The following DMD variants were observed in gnomAD, a reference collection of about 807,000 sequenced individuals.
DMD encodes mutant dystrophin.
DMD carries 63 observed loss-of-function variants against 330.1 expected under a neutral mutation model. The observed-to-expected ratio is 0.19, with a 90% CI of 0.16 to 0.24. The LOEUF (loss-of-function observed/expected upper bound fraction) is 0.24, where lower values mean the gene tolerates loss of function less well. Ranked by LOEUF, DMD falls within the 10% of genes least tolerant of loss-of-function variation. The pLI is 1.00. For missense variants in DMD, 3,344 were observed against 2,684.1 expected (o/e 1.25, Z -5.43); for synonymous variants, 1,223 against 959.8 (o/e 1.27, Z -5.07).
At chrX:32,104,809 C>T (rs193107018) in intron 44 of DMD, among the ~76,000 whole-genome samples, 8 of 111,088 alleles carry the variant, frequency 7.2e-5, no homozygotes, top group African/African-American at 2.6e-4. Flanking sequence ...GTATGGAACA[C>T]TCAAGTACCA....
intron 62 of DMD, among the ~76,000 whole-genome samples, chrX:31,282,591 T>C (rs2052707421): frequency 8.9e-6 from 1 of 112,004 alleles, no homozygotes; most frequent in South Asian, 3.7e-4. Context: ...AAATCCAGTA[T>C]GTTTTGGTAA....
intron 44 of DMD, among the ~76,000 whole-genome samples, chrX:32,155,973 AACACACACACACACACAC>A (rs60347530): frequency 4.0e-4 from 38 of 95,739 alleles, no homozygotes; most frequent in African/African-American, 8.7e-4. Context: ...TTTGTCATTC[AACACACACACACACACAC>A]ACACACACAC....
chrX:32,524,203 G>A (rs1231009730), intron 17 of DMD, among the ~76,000 whole-genome samples: 1 of 111,627 alleles, frequency 9.0e-6, no homozygotes, highest in African/African-American at 3.3e-5. Context: ...CAAAGTGCTG[G>A]GATTACAGGC....
intron 7 of DMD, among the ~76,000 whole-genome samples, chrX:32,771,515 C>T (rs1399168197): frequency 1.8e-5 from 2 of 110,989 alleles, no homozygotes; most frequent in African/African-American, 6.6e-5. Flanking sequence ...CACACACACA[C>T]ACACACACAC....
At chrX:31,955,724 AATAG>A (rs1265791996) in intron 45 of DMD, among the ~76,000 whole-genome samples, 2 of 112,423 alleles carry the variant, frequency 1.8e-5, no homozygotes, top group African/African-American at 6.5e-5. Flanking sequence ...TGGGTACATG[AATAG>A]ATAGTGATAT....
At chrX:32,271,800 A>C (rs1012925199) in intron 43 of DMD, among the ~76,000 whole-genome samples, 1 of 111,949 alleles carries the variant, frequency 8.9e-6, no homozygotes, top group Non-Finnish European at 1.9e-5. Context: ...CTGTATCCAC[A>C]CCTAAAAGTC....
chrX:32,144,151 C>T (rs781362983), intron 44 of DMD, among the ~76,000 whole-genome samples: 7 of 111,557 alleles, frequency 6.3e-5, no homozygotes, highest in African/African-American at 6.5e-5. Context: ...TAGAAGATGC[C>T]GCAACTGATT....
intron 1 of DMD, among the ~76,000 whole-genome samples, chrX:33,036,471 T>C (rs185161745): frequency 0.014 from 1,595 of 110,566 alleles, 18 homozygotes; most frequent in African/African-American, 0.04. Context: ...CCTTGAAAAA[T>C]GGTCTCATAA....
At chrX:32,008,170 G>T (rs1018807201) in intron 44 of DMD, among the ~76,000 whole-genome samples, 2 of 111,122 alleles carry the variant, frequency 1.8e-5, no homozygotes, top group East Asian at 5.7e-4. Context: ...AAGTAAATGA[G>T]TATAGATGTG....
chrX:32,060,654 A>G (rs2096216517), intron 44 of DMD, among the ~76,000 whole-genome samples: 1 of 111,926 alleles, frequency 8.9e-6, no homozygotes, highest in Non-Finnish European at 1.9e-5. Flanking sequence ...TCTTTTAACA[A>G]TTCCACCTTA....
intron 1 of DMD, among the ~76,000 whole-genome samples, chrX:33,226,713 G>C (rs1345190418): frequency 9.1e-6 from 1 of 110,364 alleles, no homozygotes; most frequent in Non-Finnish European, 1.9e-5. Context: ...TTACCTTAAG[G>C]AGGGACTGGG....
chrX:31,974,391 C>G (rs934317077), intron 44 of DMD, among the ~76,000 whole-genome samples: 13 of 111,041 alleles, frequency 1.2e-4, no homozygotes, highest in African/African-American at 3.9e-4. Context: ...TGTGACAAGC[C>G]TGTACATGTA....
chrX:33,005,552 T>C (rs1363354523), intron 2 of DMD, among the ~76,000 whole-genome samples: 1 of 107,037 alleles, frequency 9.3e-6, no homozygotes, highest in Non-Finnish European at 1.9e-5. Context: ...TATGGGAAAA[T>C]TATAATTGAG....
At chrX:32,866,724 T>TGG (rs1200341173) in intron 2 of DMD, among the ~76,000 whole-genome samples, 558 of 38,328 alleles carry the variant, frequency 0.015, 6 homozygotes, top group East Asian at 0.039. Context: ...CACTTTTTTT[T>TGG]GGGGGGGGGT....
chrX:31,275,155 TTGTGTGTGTGTG>T (rs59068818), intron 62 of DMD, among the ~76,000 whole-genome samples: 361 of 96,414 alleles, frequency 3.7e-3, no homozygotes, highest in South Asian at 7.9e-3. Flanking sequence ...AAATCAGGTT[TTGTGTGTGTGTG>T]TGTGTGTGTG....
intron 62 of DMD, among the ~76,000 whole-genome samples, chrX:31,302,232 C>T (rs1010367495): frequency 1.2e-4 from 13 of 111,518 alleles, no homozygotes; most frequent in East Asian, 2.8e-4. Flanking sequence ...CAAAGCATGC[C>T]TAAGCAAGAA....
intron 66 of DMD, among the ~76,000 whole-genome samples, chrX:31,204,869 A>C (rs2043909943): frequency 9.0e-6 from 1 of 111,695 alleles, no homozygotes; most frequent in African/African-American, 3.3e-5. Context: ...TGATCCTCCT[A>C]CCTCGGCCTC....
Position 32,310,266 on chromosome X carries a change from C to T in DMD, c.5933G>A (p.Arg1978His), listed in dbSNP as rs148135406. ...RLNFAQIHTV[R>H]EETMMVMTED... ...AGTCATCACCATCATCGTTTCTTCACGGACAGTGTGCTGGTATAGATATAC... is the reference window on the plus strand; with the variant it reads ...AGTCATCACCATCATCGTTTCTTCATGGACAGTGTGCTGGTATAGATATAC... The change falls in exon 42 of 79, where the codon CGT becomes CAT. Residue 1978 changes from arginine (R) to histidine (H), a missense_variant. Transcript: ENST00000357033. 211 of 1,205,875 alleles carry T rather than the reference C, an allele frequency of 1.7e-4. 1 individual carries two copies. The East Asian group carries it at 5.2e-3, about 30-fold the overall frequency.
rs140056238 is a variant in DMD at position 32,449,736 on chromosome X, G to C, written c.3604-1098C>G. On this transcript the variant is annotated intron_variant, in intron 26 of 78. Coordinates refer to ENST00000357033, the MANE Select transcript of DMD (RefSeq NM_004006.3). ...ATTTACACTCCTTAACTTCAAATGC[G>C]TACATGTATTTTAGAAACACACACA... 9.2e-3 allele frequency among the ~76,000 whole-genome samples: 1,008 copies of C among 110,003 alleles called. 11 individuals carry two copies. Among genetic ancestry groups the C allele is most frequent in the African/African-American group, 0.031 (957 of 30,384 alleles).
Sources: gnomAD v4.1 joint callset for allele counts (sites outside exome capture counted in the v4.1 genomes callset) on GRCh38, gnomAD v4.1.1 for gene constraint, MANE v1.5 for transcripts, NCBI Gene and HGNC (gene_info 2026-07-23, HGNC 2026-07-21) for gene names.